COL24A1: variants seen among roughly 807,000 people sequenced by gnomAD.
COL24A1 encodes the protein collagen type XXIV alpha 1 chain, also known as collagen alpha-1(XXIV) chain.
In COL24A1, 224 loss-of-function variants were observed where a neutral mutation model predicts 253.9. The ratio of observed to expected loss-of-function variants is 0.88; its 90% CI spans 0.79 to 0.99. The LOEUF (loss-of-function observed/expected upper bound fraction) is 0.99. Ranked by LOEUF, COL24A1 falls within the 50% of genes least tolerant of loss-of-function variation. The pLI, the probability that COL24A1 is intolerant of heterozygous loss-of-function variation, is 0.00. For missense variants in COL24A1, 2,131 were observed against 2,068.5 expected (o/e 1.03, Z -0.59); for synonymous variants, 685 against 673.7 (o/e 1.02, Z -0.26).
Position 85,987,582 on chromosome 1 carries a change from C to T in COL24A1, c.2364+19G>A, listed in dbSNP as rs1693835060. Reference sequence around the variant, plus strand: ...AGATAACCATAATTGTTTAGTCTCTCTCTTCTTCTTCTTCTTACCTTTGGT... The same window carrying T: ...AGATAACCATAATTGTTTAGTCTCTTTCTTCTTCTTCTTCTTACCTTTGGT... On this transcript the variant is annotated intron_variant, in intron 20 of 59. Coordinates refer to ENST00000370571, the MANE Select transcript of COL24A1 (RefSeq NM_152890.7). 7.2e-7 allele frequency: 1 copy of T among 1,381,676 alleles called. No homozygotes were observed. Among genetic ancestry groups the T allele is most frequent in the Non-Finnish European group, 9.9e-7 (1 of 1,006,830 alleles). The allele number at this position is 1,381,676 out of a possible 1,614,324, so 85.6% of individuals were successfully genotyped here.
Position 85,900,838 on chromosome 1 carries a change from G to A in COL24A1, c.2779-4429C>T, listed in dbSNP as rs148498498. On this transcript the variant is annotated intron_variant, in intron 28 of 59. Coordinates refer to ENST00000370571, the MANE Select transcript of COL24A1 (RefSeq NM_152890.7). ...ATGGATGGCCTCTTCAATAAATGATGTTAGGAAAACTGTATATCCAGATGC... is the reference window on the plus strand; with the variant it reads ...ATGGATGGCCTCTTCAATAAATGATATTAGGAAAACTGTATATCCAGATGC... Among the ~76,000 whole-genome samples, 371 of 152,236 alleles carry A rather than the reference G, an allele frequency of 2.4e-3. 2 individuals carry two copies. Among genetic ancestry groups the A allele is most frequent in the African/African-American group, 7.3e-3 (305 of 41,542 alleles).
At chr1:85,835,700 A>C (rs1216904342) in intron 43 of COL24A1, among the ~76,000 whole-genome samples, 1 of 152,234 alleles carries the variant, frequency 6.6e-6, no homozygotes, top group Non-Finnish European at 1.5e-5. Context: ...TCCAGAATAC[A>C]GAAATCCAGA....
chr1:85,894,335 C>T (rs1181337860), intron 31 of COL24A1, among the ~76,000 whole-genome samples: 1 of 152,100 alleles, frequency 6.6e-6, no homozygotes, highest in Non-Finnish European at 1.5e-5. Flanking sequence ...GGTTACAAAC[C>T]AGGGTAAGGT....
rs1666104885 is a variant in COL24A1 at position 85,755,177 on chromosome 1, C to T, written c.4437+6219G>A. ...GGGTGCTAAAAGAAAAGACAGTCAG[C>T]CAAGAATTCTATTTCCAGTAAAACT... On this transcript the variant is annotated intron_variant, in intron 55 of 59. Transcript: ENST00000370571. Among the ~76,000 whole-genome samples the T allele has an allele frequency of 1.3e-5, 2 of 152,006 alleles. 1 individual carries two copies. The highest frequency in any genetic ancestry group is 4.2e-4 in the South Asian group (2 of 4,790).
At chr1:86,109,855 G>A (rs1418019380) in intron 5 of COL24A1, among the ~76,000 whole-genome samples, 1 of 152,052 alleles carries the variant, frequency 6.6e-6, no homozygotes, top group Non-Finnish European at 1.5e-5. Flanking sequence ...ATGATAAGTG[G>A]GGCTCGTATA....
intron 37 of COL24A1, among the ~76,000 whole-genome samples, chr1:85,851,514 A>G (rs1558388814): frequency 6.6e-6 from 1 of 152,182 alleles, no homozygotes; most frequent in Non-Finnish European, 1.5e-5. Context: ...AGCATATCAG[A>G]TATTGTCAAA....
chr1:86,124,768 C>A, intron 3 of COL24A1, 77 bp downstream of exon 3: 1 of 1,153,582 alleles, frequency 8.7e-7, no homozygotes, highest in Non-Finnish European at 1.2e-6. Flanking sequence ...CCAGAGAACT[C>A]TCTTTAAAAT....
At chr1:85,778,035 A>ATCTATCTG (rs1414419569) in intron 52 of COL24A1, among the ~76,000 whole-genome samples, 3 of 145,802 alleles carry the variant, frequency 2.1e-5, no homozygotes, top group South Asian at 2.1e-4. Flanking sequence ...CTATCTATCT[A>ATCTATCTG]TCTATCTATC....
Position 86,125,155 on chromosome 1 carries a change from G to A in COL24A1, c.1181C>T (p.Pro394Leu). 1.2e-6 allele frequency: 2 copies of A among 1,613,178 alleles called. No individual in the cohort carries two copies. The highest frequency in any genetic ancestry group is 1.7e-6 in the Non-Finnish European group (2 of 1,179,550). Residue 394 changes from proline to leucine, a missense_variant, in exon 3 of 60, where the codon CCA (proline) becomes CTA (leucine). Transcript: ENST00000370571. ...TTGTTTAATTTGTGGAAGAATAGAT[G>A]GCATCTTCTTAAACAGTGACAGACC... is the stretch of plus-strand genomic sequence containing the variant. ...VTGLSLFKKM[P>L]SILPQIKQDT...
Position 86,022,287 on chromosome 1 carries a change from C to T in COL24A1, c.2209G>A (p.Val737Ile), listed in dbSNP as rs760791434. ...EPGYPGDKGA[V>I]GLPGPPGMRG... Reference sequence around the variant, plus strand: ...ATCCCTGGTGGTCCTGGTAAACCAACAGCACCCTAAGAGAAGAGAATAACA... The same window carrying T: ...ATCCCTGGTGGTCCTGGTAAACCAATAGCACCCTAAGAGAAGAGAATAACA... Residue 737 changes from valine (V) to isoleucine (I), a missense_variant, in exon 18 of 60, where the codon GTT (valine) becomes ATT (isoleucine). Transcript: ENST00000370571. 3 of 1,595,114 alleles carry T rather than the reference C, an allele frequency of 1.9e-6. No individual in the cohort carries two copies. Among genetic ancestry groups the T allele is most frequent in the Non-Finnish European group, 2.6e-6 (3 of 1,174,762 alleles).
intron 5 of COL24A1, among the ~76,000 whole-genome samples, chr1:86,098,893 G>T (rs1443019785): frequency 1.3e-5 from 2 of 151,660 alleles, no homozygotes; most frequent in African/African-American, 4.8e-5. Context: ...AAATCTTCTA[G>T]ACATACAAAA....
chr1:86,059,166 T>C lies in COL24A1; in HGVS notation c.1761A>G (p.Pro587=), dbSNP rs761565304. 2 of 1,610,062 alleles carry C rather than the reference T, an allele frequency of 1.2e-6. No individual in the cohort carries two copies. The highest frequency in any genetic ancestry group is 1.3e-5 in the African/African-American group (1 of 74,778). ...GTGAACCAATATTACCAGCAAATCC[T>C]GGAATTCCCTGAAATAATAAATAAA... is the stretch of plus-strand genomic sequence containing the variant. ...LPGLPGEQGI[P]GFAGNIGSPG... is the part of the protein sequence containing the mutation. The change falls in exon 9 of 60, where the codon CCA becomes CCG. Residue 587 remains proline, a synonymous_variant. Transcript: ENST00000370571.
intron 14 of COL24A1, among the ~76,000 whole-genome samples, chr1:86,026,473 G>T (rs1698036835): frequency 6.6e-6 from 1 of 152,166 alleles, no homozygotes; most frequent in African/African-American, 2.4e-5. Context: ...AAATCTGATG[G>T]TTTTATAAGC....
Position 85,805,616 on chromosome 1 carries a change from A to T in COL24A1, c.3951+11172T>A, listed in dbSNP as rs112308047. ...GACTGTAGAAATTACTTAATTTCTC[A>T]GTGCCTCAATTTCTGCATCTACAAA... On this transcript the variant is annotated intron_variant, in intron 47 of 59. Transcript: ENST00000370571. Among the ~76,000 whole-genome samples the T allele has an allele frequency of 3.2e-4, 49 of 152,340 alleles. 1 individual carries two copies. Among genetic ancestry groups the T allele is most frequent in the African/African-American group, 1.1e-3 (47 of 41,578 alleles).
At chr1:85,743,134 A>G (rs541694160) in intron 57 of COL24A1, among the ~76,000 whole-genome samples, 119 of 152,292 alleles carry the variant, frequency 7.8e-4, no homozygotes, top group African/African-American at 2.6e-3. Flanking sequence ...GCAATTTCCA[A>G]TGGCTTCCCA....
chr1:85,927,319 C>T (rs984046678), intron 24 of COL24A1, among the ~76,000 whole-genome samples: 153 of 152,208 alleles, frequency 1.0e-3, no homozygotes, highest in African/African-American at 3.3e-3. Context: ...AAAGGGGTGA[C>T]GGACGGCACC....
intron 20 of COL24A1, among the ~76,000 whole-genome samples, chr1:85,972,305 G>T (rs1692243945): frequency 7.2e-6 from 1 of 139,708 alleles, no homozygotes; most frequent in African/African-American, 2.6e-5. Flanking sequence ...GTTCTGAAAT[G>T]CAACAGAGTG....
chr1:85,949,977 G>A (rs938263576), intron 24 of COL24A1, among the ~76,000 whole-genome samples: 4 of 151,988 alleles, frequency 2.6e-5, no homozygotes, highest in Admixed American at 2.0e-4. Flanking sequence ...ATGATTCTCA[G>A]CCTCTGTACA....
At chr1:85,773,565 C>A (rs1224417388) in intron 53 of COL24A1, among the ~76,000 whole-genome samples, 2 of 152,116 alleles carry the variant, frequency 1.3e-5, no homozygotes, top group Non-Finnish European at 2.9e-5. Context: ...GTTTGTAGTT[C>A]TCCTTGAAGA....
Sources: gnomAD v4.1 joint callset for allele counts (sites outside exome capture counted in the v4.1 genomes callset) on GRCh38, gnomAD v4.1.1 for gene constraint, MANE v1.5 for transcripts, NCBI Gene and HGNC (gene_info 2026-07-23, HGNC 2026-07-21) for gene names.